The following ADGRL3 variants were observed in gnomAD, a reference collection of about 807,000 sequenced individuals.
ADGRL3 encodes adhesion G protein-coupled receptor L3, also known as calcium-independent alpha-latrotoxin receptor 3.
In ADGRL3, 62 loss-of-function variants were observed where a neutral mutation model predicts 153.5. That is an observed-to-expected ratio of 0.40 (90% CI 0.33 to 0.50). ADGRL3 has a LOEUF of 0.50. ADGRL3 is among the 20% of genes least tolerant of loss of function. ADGRL3 has a pLI of 0.47. For synonymous variants in ADGRL3, 710 were observed against 672.5 expected (o/e 1.06, Z -0.86); for missense variants, 1,641 against 1,859.4 (o/e 0.88, Z 2.16).
chr4:61,611,856 G>T (rs897711005), intron 5 of ADGRL3, among the ~76,000 whole-genome samples: 8 of 152,020 alleles, frequency 5.3e-5, no homozygotes, highest in Non-Finnish European at 4.4e-5. Context: ...GGAATTCAAG[G>T]TTACAGTGAG....
intron 4 of ADGRL3, among the ~76,000 whole-genome samples, chr4:61,541,923 A>G (rs2098692215): frequency 6.6e-6 from 1 of 151,946 alleles, no homozygotes; most frequent in African/African-American, 2.4e-5. Flanking sequence ...ACCATTTTAA[A>G]TCATTTTATT....
chr4:61,999,486 G>A lies in ADGRL3; in HGVS notation c.3395+1221G>A, dbSNP rs572221624. 5.9e-5 allele frequency among the ~76,000 whole-genome samples: 9 copies of A among 152,272 alleles called. No homozygotes were observed. The South Asian group carries it at 1.7e-3, about 28-fold the overall frequency. On this transcript the variant is annotated intron_variant, in intron 21 of 26. Transcript: ENST00000683033. Reference sequence around the variant, plus strand: ...AGATGCATATTAGTTATTAAGATATGATATATTAAATTGCATTTTCATATA... The same window carrying A: ...AGATGCATATTAGTTATTAAGATATAATATATTAAATTGCATTTTCATATA...
chr4:61,241,495 A>C (rs1754945349), intron 1 of ADGRL3, among the ~76,000 whole-genome samples: 1 of 152,038 alleles, frequency 6.6e-6, no homozygotes, highest in Admixed American at 6.6e-5. Flanking sequence ...GCTTGGAAAT[A>C]TTTTTAAAGA....
intron 2 of ADGRL3, among the ~76,000 whole-genome samples, chr4:61,398,398 T>C (rs1052348362): frequency 1.3e-4 from 19 of 149,176 alleles, no homozygotes; most frequent in African/African-American, 4.7e-4. Flanking sequence ...AACCTGAAGA[T>C]TGATTATTCT....
At chr4:61,454,035 A>G (rs555062745) in intron 2 of ADGRL3, among the ~76,000 whole-genome samples, 2 of 152,212 alleles carry the variant, frequency 1.3e-5, no homozygotes, top group South Asian at 4.1e-4. Context: ...TGGGTAATCC[A>G]TTTAGCCAGT....
chr4:61,888,758 C>CG (rs2098553438), intron 9 of ADGRL3, among the ~76,000 whole-genome samples: 1 of 152,150 alleles, frequency 6.6e-6, no homozygotes, highest in Admixed American at 6.5e-5. Flanking sequence ...GTCTATTAAA[C>CG]TAAGTCCTTC....
chr4:61,763,900 G>T (rs947995771), intron 8 of ADGRL3, among the ~76,000 whole-genome samples: 1 of 151,902 alleles, frequency 6.6e-6, no homozygotes, highest in Non-Finnish European at 1.5e-5. Flanking sequence ...ACCTTATTTG[G>T]CTACTAAATC....
chr4:61,582,816 T>C (rs1240783360), intron 4 of ADGRL3, among the ~76,000 whole-genome samples: 1 of 152,030 alleles, frequency 6.6e-6, no homozygotes, highest in African/African-American at 2.4e-5. Flanking sequence ...TGACCTTCTG[T>C]GTATCTCTCC....
At chr4:62,015,495 A>G (rs2099207189) in intron 21 of ADGRL3, among the ~76,000 whole-genome samples, 1 of 152,212 alleles carries the variant, frequency 6.6e-6, no homozygotes, top group Admixed American at 6.5e-5. Flanking sequence ...ATAATATATT[A>G]TACATACCAA....
intron 2 of ADGRL3, among the ~76,000 whole-genome samples, chr4:61,461,644 A>G (rs1287512689): frequency 2.6e-5 from 4 of 152,208 alleles, no homozygotes; most frequent in African/African-American, 9.6e-5. Context: ...TATGTCACAG[A>G]AAAAAGTGAA....
At chr4:61,291,943 G>A (rs753679805) in intron 1 of ADGRL3, among the ~76,000 whole-genome samples, 3 of 148,476 alleles carry the variant, frequency 2.0e-5, no homozygotes, top group Non-Finnish European at 4.5e-5. Context: ...TGTATGCACT[G>A]CTTTTCTTTG....
At position 61,733,153 on chromosome 4, in the gene ADGRL3, T is replaced by C; in HGVS notation, c.998T>C (p.Leu333Pro). The change falls in exon 8 of 27, where the codon CTG (leucine) becomes CCG (proline). Residue 333 changes from leucine (L) to proline (P), a missense_variant. Transcript: ENST00000683033. ...TGGGGAGGCAAATCTGACATAGACC[T>C]GGCAGTAGATGAGAATGGGCTATGG... ...YRWGGKSDID[L>P]AVDENGLWVI... 6.2e-7 allele frequency: 1 copy of C among 1,613,194 alleles called. No homozygotes were observed. The highest frequency in any genetic ancestry group is 8.5e-7 in the Non-Finnish European group (1 of 1,179,590).
intron 21 of ADGRL3, among the ~76,000 whole-genome samples, chr4:62,004,553 A>C (rs1055333051): frequency 4.6e-5 from 7 of 152,074 alleles, no homozygotes; most frequent in Non-Finnish European, 7.4e-5. Context: ...ATATCTCTAT[A>C]TATTTTATTC....
chr4:61,213,562 T>C (rs1405708888), intron 1 of ADGRL3, among the ~76,000 whole-genome samples: 1 of 152,192 alleles, frequency 6.6e-6, no homozygotes, highest in Non-Finnish European at 1.5e-5. Context: ...CATACTGGCA[T>C]ACCACTGTGT....
intron 9 of ADGRL3, among the ~76,000 whole-genome samples, chr4:61,851,940 G>A (rs2098209329): frequency 6.6e-6 from 1 of 152,156 alleles, no homozygotes; most frequent in African/African-American, 2.4e-5. Flanking sequence ...TAGTTTGTCA[G>A]GAACTGATTA....
At chr4:61,565,304 C>T (rs1316992001) in intron 4 of ADGRL3, among the ~76,000 whole-genome samples, 2 of 152,052 alleles carry the variant, frequency 1.3e-5, no homozygotes, top group Non-Finnish European at 1.5e-5. Flanking sequence ...TCAGGCTCGC[C>T]TTCTTGAAAA....
chr4:61,313,696 C>G (rs908043332), intron 1 of ADGRL3, among the ~76,000 whole-genome samples: 1 of 152,164 alleles, frequency 6.6e-6, no homozygotes, highest in Admixed American at 6.5e-5. Flanking sequence ...TTAAGACCCC[C>G]AAATACTTCT....
intron 2 of ADGRL3, among the ~76,000 whole-genome samples, chr4:61,439,381 AGTGAGTGACC>A (rs780048456): frequency 4.1e-4 from 63 of 152,208 alleles, no homozygotes; most frequent in Non-Finnish European, 8.2e-4. Context: ...AATGTTTGAA[AGTGAGTGACC>A]CTTTTATAAA....
At position 61,988,950 on chromosome 4, in the gene ADGRL3, A is replaced by T. The variant is rs925051192; in HGVS notation, c.3236+5347A>T. On this transcript the variant is annotated intron_variant, in intron 19 of 26. Transcript: ENST00000683033. ...AAAATAATTGAAATCAAATTTTATGATCTGAAAATTGTTGTAAATTATCTA... is the reference window on the plus strand; with the variant it reads ...AAAATAATTGAAATCAAATTTTATGTTCTGAAAATTGTTGTAAATTATCTA... Among the ~76,000 whole-genome samples, 5 of 152,152 alleles carry T rather than the reference A, an allele frequency of 3.3e-5. 1 individual carries two copies. The South Asian group carries it at 8.3e-4, about 25-fold the overall frequency.
Sources: allele counts gnomAD v4.1 joint callset (sites outside exome capture counted in the v4.1 genomes callset), GRCh38; gene constraint gnomAD v4.1.1; transcripts MANE v1.5; gene names NCBI Gene and HGNC (gene_info 2026-07-23, HGNC 2026-07-21).